Variants in MEFV observed in about 807,000 individuals in gnomAD.
MEFV encodes pyrin.
A neutral mutation model predicts 62.5 loss-of-function variants in MEFV; 60 were observed. The observed-to-expected ratio is 0.96, with a 90% CI of 0.78 to 1.19. The LOEUF is 1.19. Ranked by LOEUF, MEFV falls within the 50% of genes most tolerant of loss-of-function variation. The pLI, the probability that MEFV is intolerant of heterozygous loss-of-function variation, is 0.00. For synonymous variants in MEFV, 500 were observed against 415.2 expected (o/e 1.20, Z -2.48); for missense variants, 1,169 against 1,004.5 (o/e 1.16, Z -2.21).
chr16:3,255,549 T>A (rs1256879994), intron 1 of MEFV, among the ~76,000 whole-genome samples: 1 of 151,786 alleles, frequency 6.6e-6, no homozygotes, highest in Non-Finnish European at 1.5e-5. Context: ...AAAATACAGG[T>A]GTGTGCTACC....
At position 3,254,849 on chromosome 16, in the gene MEFV, C is replaced by A. The variant is rs115037190; in HGVS notation, c.278-59G>T. The A allele has an allele frequency of 5.0e-6, 8 of 1,602,382 alleles. No individual in the cohort carries two copies. The African/African-American group carries it at 5.3e-5, about 11-fold the overall frequency. The stretch of plus-strand genomic sequence containing the variant: ...TGTCCCACGTTTAGGGCCCAAGATT[C>A]AGGGCAGAGGAGAGAGAATCCCCTT... On this transcript the variant is annotated intron_variant, in intron 1 of 9. Coordinates refer to ENST00000219596, the MANE Select transcript of MEFV (RefSeq NM_000243.3).
At chr16:3,244,434 G>C (rs771349520) in intron 7 of MEFV, 39 bp downstream of exon 7, 4 of 1,597,664 alleles carry the variant, frequency 2.5e-6, no homozygotes, top group Non-Finnish European at 3.4e-6. Context: ...TAGGGAGGAA[G>C]TGAGCATGCA....
intron 2 of MEFV, among the ~76,000 whole-genome samples, chr16:3,251,444 C>T (rs949905520): frequency 1.3e-5 from 2 of 152,194 alleles, no homozygotes; most frequent in African/African-American, 4.8e-5. Flanking sequence ...CTTGGTGGGA[C>T]AGAGCAACAG....
chr16:3,254,519 C>A lies in MEFV; in HGVS notation c.549G>T (p.Pro183=), dbSNP rs587781035. 1.3e-6 allele frequency: 2 copies of A among 1,556,050 alleles called. No individual in the cohort carries two copies. Among genetic ancestry groups the A allele is most frequent in the African/African-American group, 1.4e-5 (1 of 73,448 alleles). The change falls in exon 2 of 10, where the codon CCG becomes CCT. Residue 183 remains proline, a synonymous_variant. Coordinates refer to ENST00000219596, the MANE Select transcript of MEFV (RefSeq NM_000243.3). ...GKPRTRSPAL[P]GGRSPGPCRA... ...TGCAGGGGCCGGGGCTTCTCCCGCC[C>A]GGCAGGGCCGGGCTCCGGGTCCGAG...
intron 8 of MEFV, 172 bp downstream of exon 8, chr16:3,244,082 C>G (rs781188554): frequency 6.4e-7 from 1 of 1,551,664 alleles, no homozygotes; most frequent in Non-Finnish European, 8.7e-7. Flanking sequence ...TGAGTCAACT[C>G]AGTCAATGAG....
chr16:3,252,183 A>C (rs1425136383), intron 2 of MEFV: 1 of 182,772 alleles, frequency 5.5e-6, no homozygotes, highest in Non-Finnish European at 1.2e-5. Flanking sequence ...TTCTCACTGG[A>C]AGACCCAGGG....
chr16:3,244,607 T>C lies in MEFV; in HGVS notation c.1611-19A>G, dbSNP rs1288978229. On this transcript the variant is annotated intron_variant, in intron 6 of 9. Coordinates refer to ENST00000219596, the MANE Select transcript of MEFV (RefSeq NM_000243.3). ...CTTAGCCCTAGAGACAAAAGACTGTTGACCAGAGAAGGCCGGAGCGAGGGG... is the reference window on the plus strand; with the variant it reads ...CTTAGCCCTAGAGACAAAAGACTGTCGACCAGAGAAGGCCGGAGCGAGGGG... 1.2e-6 allele frequency: 2 copies of C among 1,600,340 alleles called. No homozygotes were observed. The highest frequency in any genetic ancestry group is 1.7e-6 in the Non-Finnish European group (2 of 1,168,360).
At position 3,254,267 on chromosome 16, in the gene MEFV, T is replaced by C. The variant is rs141455838; in HGVS notation, c.801A>G (p.Thr267=). 9.3e-6 allele frequency: 15 copies of C among 1,614,150 alleles called. No individual in the cohort carries two copies. The highest frequency in any genetic ancestry group is 1.3e-5 in the Non-Finnish European group (15 of 1,180,042). Residue 267 remains threonine (T), a synonymous_variant, in exon 2 of 10, where the codon ACA becomes ACG. Transcript: ENST00000219596. ...CTGTTGCCGAGTCCAGATTCGCAGC[T>C]GTCTTTTCCTCTAGAGTCAGGAGAA... is the stretch of plus-strand genomic sequence containing the variant. ...PEILLTLEEK[T]AANLDSATEP...
intron 4 of MEFV, chr16:3,247,902 C>A (rs1411984635): frequency 2.0e-5 from 3 of 147,372 alleles, no homozygotes; most frequent in African/African-American, 5.1e-5. Flanking sequence ...ACCACTGCAC[C>A]CCAGCCTGGA....
rs750968749 is a variant in MEFV, at chr16:3,254,480, C to G, written c.588G>C (p.Gly196=). ...RSPGPCRALE[G]GQAEVRLRRN... is the part of the protein sequence containing the mutation. ...TGCGCAGCCGGACCTCGGCCTGGCC[C>G]CCCTCTAGCGCCCTGCAGGGGCCGG... Residue 196 remains glycine (G), a synonymous_variant, in exon 2 of 10, where the codon GGG becomes GGC. Transcript: ENST00000219596. 3.8e-6 allele frequency: 6 copies of G among 1,592,238 alleles called. No individual in the cohort carries two copies. In the South Asian group the frequency reaches 6.7e-5, roughly 18 times the overall value.
chr16:3,243,722 A>AG (rs780904768), intron 9 of MEFV, 28 bp from the exon 10 acceptor site: 17 of 1,612,354 alleles, frequency 1.1e-5, no homozygotes, highest in Non-Finnish European at 1.4e-5. Context: ...ATACCTAGGT[A>AG]GGGGTCCATG....
At chr16:3,254,918 C>T in intron 1 of MEFV, 128 bp from the exon 2 acceptor site, 10 of 1,484,370 alleles carry the variant, frequency 6.7e-6, no homozygotes, top group Non-Finnish European at 9.1e-6. Context: ...GGGCCGGGCG[C>T]GGTGGCTCAT....
At position 3,254,425 on chromosome 16, in the gene MEFV, C is replaced by G. The variant is rs754517265; in HGVS notation, c.643G>C (p.Gly215Arg). 2 of 1,612,500 alleles carry G rather than the reference C, an allele frequency of 1.2e-6. No homozygotes were observed. Among genetic ancestry groups the G allele is most frequent in the Non-Finnish European group, 1.7e-6 (2 of 1,179,482 alleles). Residue 215 changes from glycine (G) to arginine (R), a missense_variant, in exon 2 of 10, where the codon GGG becomes CGG. By Grantham distance (125) the Gly-to-Arg change is moderately radical. Transcript: ENST00000219596. Reference protein sequence around the residue: ...RNASSAGRLQGLAGGAPGQKE... With the variant: ...RNASSAGRLQRLAGGAPGQKE... ...TGCCCCGGGGCGCCCCCCGCCAGCC[C>G]CTGCAGCCTCCCCGCGGAGCTGGCG... is the stretch of plus-strand genomic sequence containing the variant.
rs1437902207 is a variant in MEFV, at chr16:3,243,267, G to A, written c.2220C>T (p.Ile740=). 3 of 1,614,110 alleles carry A rather than the reference G, an allele frequency of 1.9e-6. No homozygotes were observed. In the African/African-American group the frequency reaches 4.0e-5, roughly 22 times the overall value. Residue 740 remains isoleucine, a synonymous_variant, in exon 10 of 10, where the codon ATC becomes ATT. Transcript: ENST00000219596. ...AGAAAGAGCAGCTGGCGAATGTATA[G>A]ATGTGGGATCTGGCTGTCACATTGT... is the stretch of plus-strand genomic sequence containing the variant. ...SFYNVTARSH[I]YTFASCSFSG...
At position 3,254,777 on chromosome 16, in the gene MEFV, T is replaced by C. The variant is rs1959092457; in HGVS notation, c.291A>G (p.Gln97=). 1 of 1,611,962 alleles carries C rather than the reference T, an allele frequency of 6.2e-7. No individual in the cohort carries two copies. Among genetic ancestry groups the C allele is most frequent in the Non-Finnish European group, 8.5e-7 (1 of 1,180,012 alleles). The change falls in exon 2 of 10, where the codon CAA becomes CAG. Residue 97 remains glutamine, a synonymous_variant. Transcript: ENST00000219596. ...CTGCGGAATCATCTGTGCCGTTTTC[T>C]TGTGTGGAATATTCTGGAAGGACAA... ...HRAAIQEYST[Q]ENGTDDSAAS...
Position 3,244,349 on chromosome 16 carries a change from G to C in MEFV, c.1727-63C>G, listed in dbSNP as rs373503938. 1.3e-5 allele frequency: 21 copies of C among 1,612,316 alleles called. No individual in the cohort carries two copies. In the East Asian group the frequency reaches 3.6e-4, roughly 27 times the overall value. On this transcript the variant is annotated intron_variant, in intron 7 of 9. Transcript: ENST00000219596. ...TAGGTCCCTCAGCCAGGGACAGATGGAGGAGAGGTTGAAGGCAGGTCAGCA... is the reference window on the plus strand; with the variant it reads ...TAGGTCCCTCAGCCAGGGACAGATGCAGGAGAGGTTGAAGGCAGGTCAGCA...
chr16:3,243,241 G>C lies in MEFV; in HGVS notation c.2246C>G (p.Ser749Cys), dbSNP rs104895171. The change falls in exon 10 of 10, where the codon TCT (serine) becomes TGT (cysteine). Residue 749 changes from serine to cysteine, a missense_variant. Transcript: ENST00000219596. ...HIYTFASCSF[S>C]GPLQPIFSPG... ...GCTGAAGATAGGTTGAAGGGGCCCA[G>C]AGAAAGAGCAGCTGGCGAATGTATA... 7.7e-5 allele frequency: 124 copies of C among 1,614,078 alleles called. 1 individual carries two copies. The highest frequency in any genetic ancestry group is 6.1e-5 in the Non-Finnish European group (72 of 1,180,048).
chr16:3,247,974 C>A (rs527977993), intron 4 of MEFV: 5 of 146,332 alleles, frequency 3.4e-5, no homozygotes, highest in Admixed American at 2.1e-4. Context: ...AACAAAAAAA[C>A]CAGCCCAGGC....
Position 3,254,705 on chromosome 16 carries a change from T to G in MEFV, c.363A>C (p.Pro121=). 6.2e-7 allele frequency: 1 copy of G among 1,612,820 alleles called. No homozygotes were observed. Among genetic ancestry groups the G allele is most frequent in the Admixed American group, 1.7e-5 (1 of 60,030 alleles). The change falls in exon 2 of 10, where the codon CCA becomes CCC. Residue 121 remains proline (P), a synonymous_variant. Transcript: ENST00000219596. ...TCCCCTCGTTCCCCTCGGGGTGGTC[T>G]GGAGTCTTCAGGCTCCTGGGCTTGT... The part of the protein sequence containing the change: ...GENKPRSLKT[P]DHPEGNEGNG...
Sources: gnomAD v4.1 joint callset for allele counts (sites outside exome capture counted in the v4.1 genomes callset) on GRCh38, gnomAD v4.1.1 for gene constraint, MANE v1.5 for transcripts, NCBI Gene and HGNC (gene_info 2026-07-23, HGNC 2026-07-21) for gene names.